The following MMRN1 variants were observed in gnomAD, a reference collection of about 807,000 sequenced individuals.
MMRN1 encodes multimerin-1.
MMRN1 carries 94 observed loss-of-function variants against 100.7 expected under a neutral mutation model. The observed-to-expected ratio is 0.93, with a 90% CI of 0.79 to 1.11. MMRN1 has a LOEUF of 1.11. Among genes scored for constraint, MMRN1 ranks in the 50% least tolerant of loss-of-function variants. The pLI, the probability that MMRN1 is intolerant of heterozygous loss-of-function variation, is 0.00. For missense variants in MMRN1, 1,606 were observed against 1,439.1 expected, an observed-to-expected ratio of 1.12 and a Z score of -1.88; for synonymous variants, 575 against 505.0, an observed-to-expected ratio of 1.14 and a Z score of -1.86.
chr4:89,908,119 ACTTGGTGTCTTTTCTGGAATCCATC>A (rs1422819947), intron 1 of MMRN1, among the ~76,000 whole-genome samples: 1 of 151,016 alleles, frequency 6.6e-6, no homozygotes, highest in Non-Finnish European at 1.5e-5. Flanking sequence ...TATTTTCTTT[ACTTGGTGTCTTTTCTGGAATCCATC>A]CTTCTGTGAT....
In MMRN1 at chr4:89,881,615, GT is replaced by G. The variant is rs533358968; in HGVS notation, c.-249+2016del. 4.9e-4 allele frequency among the ~76,000 whole-genome samples: 74 copies of G among 151,916 alleles called. 1 individual carries two copies. The East Asian group carries it at 0.011, about 23-fold the overall frequency. ...TTAATATTCATTAAAGCCGTTTTGT[GT>G]TTGTCAAAGGTGCCCATGGTGAATG... On this transcript the variant is annotated intron_variant, in intron 1 of 8. Transcript: ENST00000394980.
chr4:89,934,844 A>G lies in MMRN1; in HGVS notation c.1164A>G (p.Arg388=). The G allele has an allele frequency of 1.9e-6, 3 of 1,559,786 alleles. No homozygotes were observed. The highest frequency in any genetic ancestry group is 2.0e-5 in the Admixed American group (1 of 49,680). Reference sequence around the variant, plus strand: ...CCAAAAGCATTAATGTACTGATAAGAGACATAGTAAGAGAACAATTTAAAA... The same window carrying G: ...CCAAAAGCATTAATGTACTGATAAGGGACATAGTAAGAGAACAATTTAAAA... ...LKSKSINVLI[R]DIVREQFKIF... Residue 388 remains arginine, a synonymous_variant, in exon 6 of 8, where the codon AGA becomes AGG. Transcript: ENST00000264790.
intron 1 of MMRN1, 79 bp from the exon 2 acceptor site, chr4:89,909,193 ATGTT>A: frequency 1.4e-6 from 2 of 1,437,072 alleles, no homozygotes; most frequent in East Asian, 4.6e-5. Context: ...GCAAAAATAA[ATGTT>A]TGTCTGTGAA....
intron 7 of MMRN1, 110 bp downstream of exon 7, chr4:89,951,861 G>A: frequency 1.6e-6 from 2 of 1,248,210 alleles, no homozygotes; most frequent in Non-Finnish European, 2.2e-6. Context: ...GGATCCACTT[G>A]ACAATTCCTT....
In MMRN1 at chr4:89,936,273, A is replaced by G. The variant is rs146248766; in HGVS notation, c.2593A>G (p.Ile865Val). The G allele has an allele frequency of 2.6e-5, 42 of 1,607,620 alleles. No homozygotes were observed. Among genetic ancestry groups the G allele is most frequent in the Admixed American group, 1.9e-4 (11 of 58,690 alleles). Residue 865 changes from isoleucine (I) to valine (V), a missense_variant, in exon 6 of 8, where the codon ATT becomes GTT. Physicochemically the swap from Ile to Val is conservative, Grantham distance 29 (BLOSUM62 3). Transcript: ENST00000264790. ...SKNFETRLQD[I>V]ESKVTQTLIP... ...AAATTTTGAGACTCGGTTGCAAGAC[A>G]TTGAGTCTAAAGTTACCCAGACGCT...
chr4:89,894,882 A>T lies in MMRN1; in HGVS notation c.-90A>T. 2 of 1,516,526 alleles carry T rather than the reference A, an allele frequency of 1.3e-6. No homozygotes were observed. The highest frequency in any genetic ancestry group is 1.8e-6 in the Non-Finnish European group (2 of 1,135,658). 93.9% of individuals were successfully genotyped at this position (1,516,526 alleles called of 1,614,324 possible). ...TCTCAAACTGGCAAAACTCAGTCTT[A>T]GCAGATTCAGTGTGGAAGCAGCTAT... On this transcript the variant is annotated 5_prime_UTR_variant, in exon 1 of 8. Transcript: ENST00000264790.
rs1172333060 is a variant in MMRN1 at position 89,936,603 on chromosome 4, AC to A, written c.2924del (p.Thr975IlefsTer8). The A allele has an allele frequency of 1.2e-6, 2 of 1,611,474 alleles. No homozygotes were observed. The highest frequency in any genetic ancestry group is 1.7e-6 in the Non-Finnish European group (2 of 1,179,190). ...EFVEPIIQIK[T>X]QAALSNLTCC... is the part of the protein sequence containing the mutation. ...TGTGGAACCAATAATTCAAATAAAA[AC>A]TCAAGCTGCCCTATCTAATTTAACT... On this transcript the variant is annotated frameshift_variant, in exon 6 of 8. Coordinates refer to ENST00000264790, the MANE Select transcript of MMRN1 (RefSeq NM_007351.3). LOFTEE classifies it high-confidence loss of function.
rs1424726642 is a variant in MMRN1, at chr4:89,954,028, A to G, written c.*610A>G. 1 of 152,208 alleles carries G rather than the reference A, an allele frequency of 6.6e-6. No individual in the cohort carries two copies. Among genetic ancestry groups the G allele is most frequent in the Admixed American group, 6.6e-5 (1 of 15,262 alleles). The allele number at this position is 152,208 out of a possible 1,614,324, so 9.4% of individuals were successfully genotyped here. ...CTCTAATTATAACATAGTAATTTAC[A>G]TGTAGTTGGACATGTACACTCAAGT... On this transcript the variant is annotated 3_prime_UTR_variant, in exon 8 of 8. Transcript: ENST00000264790.
chr4:89,899,977 T>A (rs898418079), intron 1 of MMRN1, among the ~76,000 whole-genome samples: 16 of 152,066 alleles, frequency 1.1e-4, no homozygotes, highest in African/African-American at 3.6e-4. Context: ...TAAGTCTTCA[T>A]TATTGTAAGT....
In MMRN1 at chr4:89,920,958, G is replaced by GA. The variant is rs566740949; in HGVS notation, c.851-2203dup. 1.6e-4 allele frequency among the ~76,000 whole-genome samples: 25 copies of GA among 151,714 alleles called. No homozygotes were observed. In the East Asian group the frequency reaches 4.8e-3, roughly 29 times the overall value. On this transcript the variant is annotated intron_variant, in intron 3 of 7. Coordinates refer to ENST00000264790, the MANE Select transcript of MMRN1 (RefSeq NM_007351.3). Reference sequence around the variant, plus strand: ...GGAACTTCTCATTTCCATCTACGAGGAAAAAAATCAGTATTCTAATGGGAT... The same window carrying GA: ...GGAACTTCTCATTTCCATCTACGAGGAAAAAAAATCAGTATTCTAATGGGAT...
At chr4:89,910,756 T>C (rs1443902964) in intron 2 of MMRN1, among the ~76,000 whole-genome samples, 1 of 151,432 alleles carries the variant, frequency 6.6e-6, no homozygotes, top group Non-Finnish European at 1.5e-5. Flanking sequence ...GCTTTTCAGA[T>C]GGAAGGGATC....
chr4:89,934,757 C>T, intron 5 of MMRN1, 53 bp from the exon 6 acceptor site: 1 of 1,054,890 alleles, frequency 9.5e-7, no homozygotes, highest in Non-Finnish European at 1.3e-6. Flanking sequence ...TTTAGAGATG[C>T]TTAAAGTCTC....
intron 3 of MMRN1, among the ~76,000 whole-genome samples, chr4:89,912,743 T>A (rs924420245): frequency 6.6e-6 from 1 of 151,178 alleles, no homozygotes; most frequent in African/African-American, 2.4e-5. Context: ...TTAGCAGTGG[T>A]GGGGAATTCA....
chr4:89,902,752 G>T (rs1721433010), intron 1 of MMRN1, among the ~76,000 whole-genome samples: 2 of 151,930 alleles, frequency 1.3e-5, no homozygotes, highest in Admixed American at 1.3e-4. Flanking sequence ...TCTTCTTAAA[G>T]TCTAAATTAA....
Position 89,895,312 on chromosome 4 carries a change from A to T in MMRN1, c.341A>T (p.Asn114Ile), listed in dbSNP as rs116306564. The T allele has an allele frequency of 1.6e-4, 264 of 1,613,444 alleles. No homozygotes were observed. In the African/African-American group the frequency reaches 3.3e-3, roughly 20 times the overall value. Residue 114 changes from asparagine (N) to isoleucine (I), a missense_variant, in exon 1 of 8, where the codon AAT becomes ATT. Physicochemically the swap from Asn to Ile is moderately radical, Grantham distance 149. Coordinates refer to ENST00000264790, the MANE Select transcript of MMRN1 (RefSeq NM_007351.3). ...EKAEGVVKLQ[N>I]LTLPTNASIK... ...GCAGAAGGAGTGGTCAAGTTACAGA[A>T]TCTTACCCTCCCAACCAACGCTAGC... is the stretch of plus-strand genomic sequence containing the variant.
intron 4 of MMRN1, among the ~76,000 whole-genome samples, chr4:89,926,604 C>G (rs754301777): frequency 3.7e-4 from 56 of 151,994 alleles, no homozygotes; most frequent in Non-Finnish European, 7.1e-4. Context: ...TTGGTTGTTT[C>G]TTTTGCTGTG....
Position 89,935,037 on chromosome 4 carries a change from T to G in MMRN1, c.1357T>G (p.Leu453Val), listed in dbSNP as rs1425983727. 6.2e-7 allele frequency: 1 copy of G among 1,613,480 alleles called. No homozygotes were observed. Among genetic ancestry groups the G allele is most frequent in the Admixed American group, 1.7e-5 (1 of 59,932 alleles). Residue 453 changes from leucine (L) to valine (V), a missense_variant, in exon 6 of 8, where the codon TTG becomes GTG. Physicochemically the swap from Leu to Val is conservative, Grantham distance 32. Transcript: ENST00000264790. ...FVLVQENRPT[L>V]TDIVELRNHI... is the part of the protein sequence containing the mutation. ...TTTGGTGCAAGAGAATCGGCCCACT[T>G]TGACTGATATAGTGGAACTAAGGAA...
upstream of MMRN1, among the ~76,000 whole-genome samples, chr4:89,894,390 G>A (rs145177600): frequency 2.6e-5 from 4 of 152,250 alleles, no homozygotes; most frequent in Admixed American, 2.0e-4. Flanking sequence ...CAGAGTATAT[G>A]TACTATATGA....
At chr4:89,919,554 CTT>C (rs1560588072) in intron 3 of MMRN1, among the ~76,000 whole-genome samples, 1 of 151,442 alleles carries the variant, frequency 6.6e-6, no homozygotes, top group East Asian at 1.9e-4. Flanking sequence ...AGAAATGTAA[CTT>C]ATTTATTTTA....
Sources: gnomAD v4.1 joint callset for allele counts (sites outside exome capture counted in the v4.1 genomes callset) on GRCh38, gnomAD v4.1.1 for gene constraint, MANE v1.5 for transcripts, NCBI Gene and HGNC (gene_info 2026-07-23, HGNC 2026-07-21) for gene names.